Variants in CARD10 observed in about 807,000 individuals in gnomAD.
CARD10 encodes the protein caspase recruitment domain-containing protein 10.
In CARD10, 49 loss-of-function variants were observed where a neutral mutation model predicts 114.6. That is an observed-to-expected ratio of 0.43 (90% CI 0.34 to 0.54). The LOEUF is 0.54. Ranked by LOEUF, CARD10 falls within the 20% of genes least tolerant of loss-of-function variation. The probability of loss-of-function intolerance (pLI) is 0.03; values close to 1 mark genes in which losing one functional copy is unlikely to be tolerated. For synonymous variants in CARD10, 602 were observed against 593.2 expected (o/e 1.01, Z -0.21); for missense variants, 1,206 against 1,397.2 (o/e 0.86, Z 2.18).
Position 37,496,715 on chromosome 22 carries a change from T to C in CARD10, c.1948-155A>G. 2 of 669,642 alleles carry C rather than the reference T, an allele frequency of 3.0e-6. No individual in the cohort carries two copies. The highest frequency in any genetic ancestry group is 5.2e-6 in the Non-Finnish European group (2 of 388,262). The allele number at this position is 669,642 out of a possible 1,614,324, so 41.5% of individuals were successfully genotyped here. ...GCCATGCCCAGCCCAGTCAGACCCG[T>C]CCCCATCCACAGGACGCCCCCATCC... is the stretch of plus-strand genomic sequence containing the variant. On this transcript the variant is annotated intron_variant, in intron 12 of 19. Coordinates refer to ENST00000251973, the MANE Select transcript of CARD10 (RefSeq NM_014550.4). This position sits in a 1 kb window ranked among gnomAD's most constrained non-coding sequence, Gnocchi z 4.1.
At chr22:37,502,843 G>GTGGGTCT in intron 10 of CARD10, 118 bp from the exon 11 acceptor site, 2 of 1,228,758 alleles carry the variant, frequency 1.6e-6, no homozygotes, top group Non-Finnish European at 2.2e-6. Flanking sequence ...TGAGGCCCCA[G>GTGGGTCT]GAGCACATCA....
intron 5 of CARD10, 120 bp from the exon 6 acceptor site, chr22:37,508,074 G>C: frequency 2.5e-6 from 3 of 1,203,254 alleles, no homozygotes; most frequent in Non-Finnish European, 3.6e-6. Context: ...CCAATAACAA[G>C]TCCCCTCCTG....
chr22:37,508,617 C>T lies in CARD10; in HGVS notation c.975G>A (p.Trp325Ter). ...RILLDILEHDWREAQDSRQEL... is the reference protein window; with the variant it reads ...RILLDILEHD Reference sequence around the variant, plus strand: ...CCTGCCTGCTGTCCTGCGCCTCCCGCCAGTCATGCTCTAGGATGTCCAGCA... The same window carrying T: ...CCTGCCTGCTGTCCTGCGCCTCCCGTCAGTCATGCTCTAGGATGTCCAGCA... Residue 325 changes from tryptophan (W) to a stop codon, truncating the protein, a stop_gained, in exon 5 of 20, where the codon TGG becomes TGA. Coordinates refer to ENST00000251973, the MANE Select transcript of CARD10 (RefSeq NM_014550.4). LOFTEE classifies it high-confidence loss of function. 2 of 1,591,580 alleles carry T rather than the reference C, an allele frequency of 1.3e-6. No homozygotes were observed. Among genetic ancestry groups the T allele is most frequent in the South Asian group, 1.1e-5 (1 of 88,276 alleles).
At position 37,504,047 on chromosome 22, in the gene CARD10, G is replaced by C. The variant is rs1280525726; in HGVS notation, c.1634+139C>G. On this transcript the variant is annotated intron_variant, in intron 9 of 19. Transcript: ENST00000251973. ...GTGACTCACAGGACCTGGGTTTCCA[G>C]AGCTCCAGCCATCTGAGGGCAATAA... 3 of 746,906 alleles carry C rather than the reference G, an allele frequency of 4.0e-6. No homozygotes were observed. The African/African-American group carries it at 5.2e-5, about 13-fold the overall frequency. The allele number at this position is 746,906 out of a possible 1,614,324, so 46.3% of individuals were successfully genotyped here. A position where few individuals can be genotyped will look rare whatever the true frequency, so the allele number is the denominator to read the frequency against.
rs955195664 is a variant in CARD10, at chr22:37,519,095, G to C, written c.106C>G (p.His36Asp). 5.0e-6 allele frequency: 8 copies of C among 1,590,784 alleles called. No homozygotes were observed. In the African/African-American group the frequency reaches 9.4e-5, roughly 19 times the overall value. ...ALWERIEGVR[H>D]RLARALNPAK... Reference sequence around the variant, plus strand: ...GGGTTCAGGGCGCGAGCCAGCCGATGCCGGACGCCCTCGATTCGCTCCCAC... The same window carrying C: ...GGGTTCAGGGCGCGAGCCAGCCGATCCCGGACGCCCTCGATTCGCTCCCAC... Residue 36 changes from histidine (H) to aspartate (D), a missense_variant, in exon 1 of 20, where the codon CAT (histidine) becomes GAT (aspartate). Coordinates refer to ENST00000251973, the MANE Select transcript of CARD10 (RefSeq NM_014550.4). The surrounding 1 kb of genome is among the most constrained non-coding windows in gnomAD (Gnocchi z 4.1).
chr22:37,496,781 C>T lies in CARD10; in HGVS notation c.1948-221G>A, dbSNP rs1160177338. On this transcript the variant is annotated intron_variant, in intron 12 of 19. Coordinates refer to ENST00000251973, the MANE Select transcript of CARD10 (RefSeq NM_014550.4). This position sits in a 1 kb window ranked among gnomAD's most constrained non-coding sequence, Gnocchi z 4.1. ...CCGCCCAGCTCATCCAGGTCTTTCT[C>T]GACTTGAAGCGCAGGAATGTAACGT... The T allele has an allele frequency of 1.9e-5, 12 of 633,058 alleles. No homozygotes were observed. Among genetic ancestry groups the T allele is most frequent in the Admixed American group, 3.0e-5 (1 of 32,822 alleles). 39.2% of individuals were successfully genotyped at this position (633,058 alleles called of 1,614,324 possible).
chr22:37,503,502 C>A (rs190539446), intron 9 of CARD10, among the ~76,000 whole-genome samples: 18 of 152,248 alleles, frequency 1.2e-4, no homozygotes, highest in Admixed American at 1.0e-3. Flanking sequence ...CTGGAAGCCA[C>A]CCCTGATCTC....
At chr22:37,513,090 C>G (rs1923717812) in intron 3 of CARD10, among the ~76,000 whole-genome samples, 1 of 151,964 alleles carries the variant, frequency 6.6e-6, no homozygotes, top group Non-Finnish European at 1.5e-5. Flanking sequence ...TTTATAGTAG[C>G]TAAGTTTAAT....
rs776297419 is a variant in CARD10, at chr22:37,495,524, C to T, written c.2366G>A (p.Arg789His). The T allele has an allele frequency of 6.8e-6, 11 of 1,611,020 alleles. No homozygotes were observed. The African/African-American group carries it at 8.0e-5, about 12-fold the overall frequency. The change falls in exon 15 of 20, where the codon CGC (arginine) becomes CAC (histidine). Residue 789 changes from arginine to histidine, a missense_variant. Coordinates refer to ENST00000251973, the MANE Select transcript of CARD10 (RefSeq NM_014550.4). Reference protein sequence around the residue: ...CLPSSRHRGPRSNLKKRALDQ... With the variant: ...CLPSSRHRGPHSNLKKRALDQ... ...CTGCCCAGCCGTGCTCACATTACTG[C>T]GGGGGCCTCGGTGCCGGCTGGAGGG...
intron 4 of CARD10, among the ~76,000 whole-genome samples, chr22:37,509,738 GCTGCAGGTCCTTCTGACCTCCCCCGA>G: frequency 4.5e-5 from 4 of 88,002 alleles, no homozygotes; most frequent in Admixed American, 1.4e-4. Context: ...CCTGGTACCT[GCTGCAGGTCCTTCTGACCTCCCCCGA>G]CCCCCATGCC....
intron 11 of CARD10, 102 bp downstream of exon 11, chr22:37,502,500 A>G (rs1022120304): frequency 3.7e-5 from 48 of 1,305,536 alleles, no homozygotes; most frequent in Non-Finnish European, 2.1e-6. Context: ...ATCTTCCAAT[A>G]GTTGCATAAA....
chr22:37,496,437 A>C lies in CARD10; in HGVS notation c.2059+12T>G. On this transcript the variant is annotated intron_variant, in intron 13 of 19. Transcript: ENST00000251973. This position sits in a 1 kb window ranked among gnomAD's most constrained non-coding sequence, Gnocchi z 4.1. Reference sequence around the variant, plus strand: ...CTGGGGCCAACAGCTCCGACTCCCAAGCCAGACTTACCCTTCGAGTCCATC... The same window carrying C: ...CTGGGGCCAACAGCTCCGACTCCCACGCCAGACTTACCCTTCGAGTCCATC... 2 of 1,598,052 alleles carry C rather than the reference A, an allele frequency of 1.3e-6. No homozygotes were observed. The highest frequency in any genetic ancestry group is 1.7e-6 in the Non-Finnish European group (2 of 1,166,566).
intron 3 of CARD10, among the ~76,000 whole-genome samples, 186 bp downstream of exon 3, chr22:37,515,787 G>C (rs1291946921): frequency 6.6e-6 from 1 of 152,048 alleles, no homozygotes; most frequent in Non-Finnish European, 1.5e-5. Flanking sequence ...TGTTTCTAGG[G>C]GGTCAGAATC....
Position 37,490,807 on chromosome 22 carries a change from G to T in CARD10, c.*352C>A. 3.8e-6 allele frequency: 1 copy of T among 261,466 alleles called. No individual in the cohort carries two copies. The highest frequency in any genetic ancestry group is 7.3e-6 in the Non-Finnish European group (1 of 136,918). 16.2% of individuals were successfully genotyped at this position (261,466 alleles called of 1,614,324 possible). ...AGGGCAGCGGGACAGACCTGAGCCT[G>T]CCCATGAGAACTTGAGTGTGCAAAC... On this transcript the variant is annotated 3_prime_UTR_variant, in exon 20 of 20. Transcript: ENST00000251973.
chr22:37,508,698 C>A lies in CARD10; in HGVS notation c.910-16G>T. The A allele has an allele frequency of 6.5e-7, 1 of 1,542,462 alleles. No individual in the cohort carries two copies. The highest frequency in any genetic ancestry group is 1.2e-5 in the South Asian group (1 of 84,142). ...GGCTCGCCTCCTGGGGATCACAGGG[C>A]AGGGCCACCTCAGGGTCTGGCTAGG... On this transcript the variant is annotated splice_polypyrimidine_tract_variant and intron_variant, in intron 4 of 19. Transcript: ENST00000251973.
Position 37,510,227 on chromosome 22 carries a change from C to A in CARD10, c.894G>T (p.Gln298His), listed in dbSNP as rs1225221839. ...QRLTASLREL[Q>H]EGLQQEASRP... ...GCCCTGGTACCTGCTGCAGGCCCTC[C>A]TGCAACTCCCGCAGTGACGCCGTCA... The change falls in exon 4 of 20, where the codon CAG (glutamine) becomes CAT (histidine). Residue 298 changes from glutamine (Q) to histidine (H), a missense_variant. Physicochemically the swap from Gln to His is conservative, Grantham distance 24 (BLOSUM62 0). Around this residue, in one of 2 missense-constraint regions of CARD10, gnomAD observed 1,068 missense variants for 1,179.1 expected, o/e 0.91. Transcript: ENST00000251973. 1 of 1,601,028 alleles carries A rather than the reference C, an allele frequency of 6.2e-7. No homozygotes were observed. Among genetic ancestry groups the A allele is most frequent in the South Asian group, 1.1e-5 (1 of 91,076 alleles).
chr22:37,518,949 CG>C lies in CARD10; in HGVS notation c.235+16del. On this transcript the variant is annotated intron_variant, in intron 1 of 19. Transcript: ENST00000251973. ...CGGCCGGCCCAGGTCGTGGCCCACT[CG>C]GGACCCGCGGCTCACCGGTGCGGTT... The C allele has an allele frequency of 6.6e-7, 1 of 1,513,590 alleles. No homozygotes were observed. Among genetic ancestry groups the C allele is most frequent in the Non-Finnish European group, 8.8e-7 (1 of 1,130,570 alleles). 93.8% of individuals were successfully genotyped at this position (1,513,590 alleles called of 1,614,324 possible).
intron 16 of CARD10, among the ~76,000 whole-genome samples, 200 bp from the exon 17 acceptor site, chr22:37,493,002 C>G (rs1043783782): frequency 2.6e-5 from 4 of 152,126 alleles, no homozygotes; most frequent in Admixed American, 6.5e-5. Flanking sequence ...CATCCCTGCC[C>G]CCTACGGGTC....
chr22:37,514,222 C>T (rs534269920), intron 3 of CARD10, among the ~76,000 whole-genome samples: 2 of 152,148 alleles, frequency 1.3e-5, no homozygotes, highest in Admixed American at 6.5e-5. Flanking sequence ...TCCACCCCAG[C>T]GTAGGGTGGC....
Sources: gnomAD v4.1 joint callset for allele counts (sites outside exome capture counted in the v4.1 genomes callset) on GRCh38, gnomAD v4.1.1 for gene constraint, gnomAD v4.1.1 regional missense constraint, Gnocchi (gnomAD v3.1) non-coding constraint, MANE v1.5 for transcripts, NCBI Gene and HGNC (gene_info 2026-07-23, HGNC 2026-07-21) for gene names.